Variants in TPTE2 observed in about 807,000 individuals in gnomAD.
The protein encoded by TPTE2 is transmembrane phosphoinositide 3-phosphatase and tensin homolog 2.
Under a neutral mutation model 78.6 loss-of-function variants are expected in TPTE2, and 53 were observed. That is an observed-to-expected ratio of 0.67 (90% CI 0.54 to 0.85). The LOEUF (loss-of-function observed/expected upper bound fraction) is 0.85, where lower values mean the gene tolerates loss of function less well. TPTE2 is among the 40% of genes least tolerant of loss of function. The pLI, the probability that TPTE2 is intolerant of heterozygous loss-of-function variation, is 0.00. For synonymous variants in TPTE2, 175 were observed against 206.2 expected (o/e 0.85, Z 1.30); for missense variants, 461 against 623.0 (o/e 0.74, Z 2.77).
At chr13:19,561,039 G>C in the TPTE2 span, 1 of 1,575,062 alleles carries the variant, frequency 6.3e-7, no homozygotes, top group Non-Finnish European at 8.6e-7. Flanking sequence ...CGCTTGGACA[G>C]GGAGCTGAGC....
chr13:19,426,678 T>C (rs542175051), intron 17 of TPTE2, among the ~76,000 whole-genome samples, 161 bp from the exon 21 acceptor site: 33 of 152,288 alleles, frequency 2.2e-4, no homozygotes, highest in South Asian at 6.2e-4. Context: ...CTAGTTGCAA[T>C]ACTGTTGTTT....
intron 1 of TPTE2, among the ~76,000 whole-genome samples, chr13:19,529,527 C>T (rs1870736325): frequency 6.6e-6 from 1 of 152,204 alleles, no homozygotes; most frequent in Non-Finnish European, 1.5e-5. Flanking sequence ...TGGTAAAATT[C>T]AGCCCATCGA....
At chr13:19,559,849 G>C in the TPTE2 span, among the ~76,000 whole-genome samples, 40 of 98,692 alleles carry the variant, frequency 4.1e-4, no homozygotes, top group South Asian at 1.7e-3. Flanking sequence ...CCCCTAGGAG[G>C]GGGGAGGGGA....
intron 1 of TPTE2, among the ~76,000 whole-genome samples, chr13:19,512,599 G>A (rs1460168712): frequency 6.9e-6 from 1 of 144,860 alleles, no homozygotes; most frequent in Non-Finnish European, 1.5e-5. Flanking sequence ...TTTTTTTTGA[G>A]ACAGAGTTTT....
chr13:19,438,034 T>C, intron 14 of TPTE2, 58 bp downstream of exon 17: 1 of 1,580,888 alleles, frequency 6.3e-7, no homozygotes, highest in East Asian at 2.3e-5. Context: ...ACCAGCGATC[T>C]TTCAGAACTA....
intron 6 of TPTE2, among the ~76,000 whole-genome samples, chr13:19,472,187 T>G (rs1240047037): frequency 6.6e-6 from 1 of 152,182 alleles, no homozygotes; most frequent in African/African-American, 2.4e-5. Context: ...TTTATAACTT[T>G]CTTGTACTTG....
intron 4 of TPTE2, among the ~76,000 whole-genome samples, chr13:19,477,694 G>T (rs1217675021): frequency 2.6e-5 from 4 of 152,208 alleles, no homozygotes; most frequent in African/African-American, 9.6e-5. Context: ...AAGGCATGAA[G>T]AAGTGGCTTG....
intron 10 of TPTE2, among the ~76,000 whole-genome samples, chr13:19,453,007 TTTATGTTATTTTATG>T (rs1181936875): frequency 1.2e-4 from 12 of 102,872 alleles, no homozygotes; most frequent in African/African-American, 6.8e-4. Context: ...TTTATTTTAT[TTTATGTTATTTTATG>T]TTATTTTATT....
intron 3 of TPTE2, among the ~76,000 whole-genome samples, chr13:19,487,277 C>T (rs1880718918): frequency 6.6e-6 from 1 of 152,014 alleles, no homozygotes. Flanking sequence ...AGGTCTGAGA[C>T]ACAGGTGCAA....
chr13:19,495,845 GTTTT>G (rs924919226), intron 1 of TPTE2, among the ~76,000 whole-genome samples: 1 of 151,700 alleles, frequency 6.6e-6, no homozygotes, highest in East Asian at 1.9e-4. Flanking sequence ...CTTTTGTTTT[GTTTT>G]TTTTGTTGTT....
At chr13:19,441,650 C>T (rs1237183236) in intron 13 of TPTE2, among the ~76,000 whole-genome samples, 1 of 152,082 alleles carries the variant, frequency 6.6e-6, no homozygotes, top group Non-Finnish European at 1.5e-5. Context: ...AACTAGGAAA[C>T]TTCCTTAACT....
intron 10 of TPTE2, among the ~76,000 whole-genome samples, chr13:19,461,970 A>G (rs182231351): frequency 0.023 from 3,216 of 142,030 alleles, 52 homozygotes; most frequent in Non-Finnish European, 0.032. Flanking sequence ...AGCCAACTCT[A>G]TATCTTTTAA....
At chr13:19,495,814 A>T (rs1881276385) in intron 1 of TPTE2, among the ~76,000 whole-genome samples, 1 of 152,160 alleles carries the variant, frequency 6.6e-6, no homozygotes, top group Non-Finnish European at 1.5e-5. Flanking sequence ...TAAGATTTTC[A>T]GTTCAAAATA....
chr13:19,507,613 G>T (rs1327670032), upstream of TPTE2, among the ~76,000 whole-genome samples: 1 of 152,192 alleles, frequency 6.6e-6, no homozygotes, highest in East Asian at 1.9e-4. Flanking sequence ...CCCTGAGGTT[G>T]CCTCTGTGCT....
intron 13 of TPTE2, among the ~76,000 whole-genome samples, chr13:19,448,315 G>C (rs1210026986): frequency 2.6e-5 from 4 of 152,178 alleles, no homozygotes; most frequent in Non-Finnish European, 5.9e-5. Context: ...AAAAGAAAAA[G>C]TAGACAAATG....
At chr13:19,504,840 T>TAAA (rs1868890856), upstream of TPTE2, among the ~76,000 whole-genome samples, 4 of 152,098 alleles carry the variant, frequency 2.6e-5, no homozygotes, top group Non-Finnish European at 4.4e-5. Context: ...TCTCTCTCTT[T>TAAA]TCTCTTTCTC....
intron 3 of TPTE2, among the ~76,000 whole-genome samples, chr13:19,491,096 G>C (rs1880962201): frequency 6.6e-6 from 1 of 152,118 alleles, no homozygotes; most frequent in Admixed American, 6.5e-5. Context: ...GTATTGTTAT[G>C]GATGCTCCAT....
chr13:19,458,776 T>A (rs1878704818), intron 10 of TPTE2: 1 of 391,318 alleles, frequency 2.6e-6, no homozygotes, highest in Admixed American at 2.7e-5. Context: ...AAGCCAGACA[T>A]CCCACTCTAT....
intron 1 of TPTE2, among the ~76,000 whole-genome samples, chr13:19,497,687 A>G (rs1396227983): frequency 2.7e-5 from 4 of 149,762 alleles, no homozygotes; most frequent in Admixed American, 6.7e-5. Context: ...AGATAAAACC[A>G]CAAAGATGGG....
Sources: allele counts gnomAD v4.1 joint callset (sites outside exome capture counted in the v4.1 genomes callset), GRCh38; gene constraint gnomAD v4.1.1; transcripts MANE v1.5; gene names NCBI Gene and HGNC (gene_info 2026-07-23, HGNC 2026-07-21).